RSRC1: variants seen among roughly 807,000 people sequenced by gnomAD.
The protein encoded by RSRC1 is arginine and serine rich coiled-coil 1.
RSRC1 carries 39 observed loss-of-function variants against 49.1 expected under a neutral mutation model. The ratio of observed to expected loss-of-function variants is 0.79; its 90% CI spans 0.61 to 1.04. The LOEUF is 1.04. RSRC1 is among the 50% of genes least tolerant of loss of function. The pLI, the probability that RSRC1 is intolerant of heterozygous loss-of-function variation, is 0.00. For missense variants in RSRC1, 388 were observed against 402.4 expected (o/e 0.96, Z 0.31); for synonymous variants, 143 against 130.8 (o/e 1.09, Z -0.63).
intron 4 of RSRC1, among the ~76,000 whole-genome samples, chr3:158,289,987 G>C (rs916027222): frequency 6.6e-6 from 1 of 151,860 alleles, no homozygotes; most frequent in African/African-American, 2.4e-5. Context: ...AAATGAGACT[G>C]ACTTTCATTT....
At chr3:158,461,074 A>G (rs1169894877) in intron 7 of RSRC1, 71 bp downstream of exon 7, 2 of 1,075,826 alleles carry the variant, frequency 1.9e-6, no homozygotes, top group Non-Finnish European at 1.4e-6. Flanking sequence ...ACCGTAGAAT[A>G]TAATCTAATG....
rs553043923 is a variant in RSRC1 at position 158,174,695 on chromosome 3, G to A, written c.321-28377G>A. Among the ~76,000 whole-genome samples the A allele has an allele frequency of 6.6e-5, 10 of 152,066 alleles. No homozygotes were observed. The South Asian group carries it at 8.3e-4, about 13-fold the overall frequency. Reference sequence around the variant, plus strand: ...ATGAGATTTATTAATGTTGTTTCATGTAGCTCTCATTCATCATTGTACAAT... The same window carrying A: ...ATGAGATTTATTAATGTTGTTTCATATAGCTCTCATTCATCATTGTACAAT... On this transcript the variant is annotated intron_variant, in intron 3 of 9. Coordinates refer to ENST00000611884, the MANE Select transcript of RSRC1 (RefSeq NM_001271838.2).
chr3:158,322,415 A>G (rs1728815053), intron 5 of RSRC1, among the ~76,000 whole-genome samples: 1 of 152,016 alleles, frequency 6.6e-6, no homozygotes. Flanking sequence ...CCGCAAACTA[A>G]ATGTACCATT....
chr3:158,238,223 C>G (rs908237892), intron 4 of RSRC1, among the ~76,000 whole-genome samples: 13 of 152,234 alleles, frequency 8.5e-5, no homozygotes, highest in Non-Finnish European at 8.8e-5. Flanking sequence ...AAAGAGGACA[C>G]AAACAAATGA....
intron 5 of RSRC1, among the ~76,000 whole-genome samples, chr3:158,345,063 TAAA>T (rs764384812): frequency 1.5e-5 from 2 of 135,516 alleles, no homozygotes; most frequent in Admixed American, 7.5e-5. Flanking sequence ...TACTAAAAAA[TAAA>T]AAAAAAAAAA....
chr3:158,364,717 G>A (rs3845981), intron 6 of RSRC1, among the ~76,000 whole-genome samples: 3 of 151,302 alleles, frequency 2.0e-5, no homozygotes, highest in Non-Finnish European at 4.4e-5. Context: ...TCAAGTCAGG[G>A]GGCTTGGGTG....
intron 1 of RSRC1, among the ~76,000 whole-genome samples, chr3:158,115,147 C>T (rs1714713493): frequency 6.6e-6 from 1 of 152,168 alleles, no homozygotes; most frequent in African/African-American, 2.4e-5. Context: ...TTGTAAATGG[C>T]TCTTGTTATT....
At chr3:158,181,237 C>G (rs1220091568) in intron 3 of RSRC1, among the ~76,000 whole-genome samples, 6 of 152,132 alleles carry the variant, frequency 3.9e-5, no homozygotes, top group Non-Finnish European at 8.8e-5. Flanking sequence ...GTGCTAGCAA[C>G]TAGATGTTAA....
At chr3:158,490,068 C>T (rs1739003307) in intron 7 of RSRC1, among the ~76,000 whole-genome samples, 1 of 152,110 alleles carries the variant, frequency 6.6e-6, no homozygotes, top group Admixed American at 6.5e-5. Flanking sequence ...TCTTTCTTTA[C>T]TACCTTCAAT....
intron 6 of RSRC1, among the ~76,000 whole-genome samples, chr3:158,406,970 C>T (rs142114030): frequency 1.3e-5 from 2 of 152,114 alleles, no homozygotes; most frequent in Non-Finnish European, 2.9e-5. Flanking sequence ...TGTTTAGACC[C>T]GAGTAGGAGG....
intron 6 of RSRC1, among the ~76,000 whole-genome samples, chr3:158,412,479 G>C (rs1425816432): frequency 6.6e-6 from 1 of 152,026 alleles, no homozygotes; most frequent in Non-Finnish European, 1.5e-5. Context: ...CCATCAGACT[G>C]TGTTAGACTT....
chr3:158,511,504 T>G (rs1456532518), intron 7 of RSRC1, among the ~76,000 whole-genome samples: 1 of 152,252 alleles, frequency 6.6e-6, no homozygotes, highest in Admixed American at 6.5e-5. Context: ...TGCCACATTT[T>G]CTTACTCCAG....
At chr3:158,461,271 C>A (rs553064548) in intron 7 of RSRC1, among the ~76,000 whole-genome samples, 1 of 151,846 alleles carries the variant, frequency 6.6e-6, no homozygotes, top group East Asian at 1.9e-4. Flanking sequence ...TTCCTTCTGA[C>A]TTTTATAGTT....
At chr3:158,357,709 G>A (rs1412081624) in intron 6 of RSRC1, among the ~76,000 whole-genome samples, 1 of 152,146 alleles carries the variant, frequency 6.6e-6, no homozygotes, top group Non-Finnish European at 1.5e-5. Flanking sequence ...GTCCAGCCTA[G>A]TCTCAAGGTT....
intron 4 of RSRC1, among the ~76,000 whole-genome samples, chr3:158,246,582 ATGAATTC>A (rs1184435707): frequency 6.6e-6 from 1 of 152,140 alleles, no homozygotes; most frequent in Non-Finnish European, 1.5e-5. Flanking sequence ...TCTGGTGGTA[ATGAATTC>A]TCTCAGCATT....
At chr3:158,293,371 C>G (rs1326352056) in intron 4 of RSRC1, among the ~76,000 whole-genome samples, 2 of 152,042 alleles carry the variant, frequency 1.3e-5, no homozygotes, top group Non-Finnish European at 2.9e-5. Flanking sequence ...ATTAAACTTG[C>G]TGCCCCAGCT....
At chr3:158,289,854 G>A (rs1347646492) in intron 4 of RSRC1, among the ~76,000 whole-genome samples, 1 of 152,108 alleles carries the variant, frequency 6.6e-6, no homozygotes, top group Non-Finnish European at 1.5e-5. Flanking sequence ...ACATAAGAAT[G>A]TCCTTATATC....
intron 3 of RSRC1, among the ~76,000 whole-genome samples, chr3:158,160,587 C>T (rs1293538330): frequency 1.3e-5 from 2 of 151,908 alleles, no homozygotes; most frequent in South Asian, 2.1e-4. Context: ...TAGTAAGATC[C>T]GAGAGAAAGG....
intron 5 of RSRC1, among the ~76,000 whole-genome samples, chr3:158,306,804 C>T (rs1316113159): frequency 2.6e-5 from 4 of 151,798 alleles, no homozygotes; most frequent in Non-Finnish European, 5.9e-5. Flanking sequence ...ATCATATCAT[C>T]GTATTATAGT....
Sources: allele counts gnomAD v4.1 joint callset (sites outside exome capture counted in the v4.1 genomes callset), GRCh38; gene constraint gnomAD v4.1.1; transcripts MANE v1.5; gene names NCBI Gene and HGNC (gene_info 2026-07-23, HGNC 2026-07-21).